Variants in SORL1 observed in about 807,000 individuals in gnomAD.
SORL1 encodes the protein sortilin related receptor 1, also known as sortilin-related receptor.
A neutral mutation model predicts 273.7 loss-of-function variants in SORL1; 127 were observed. That is an observed-to-expected ratio of 0.46 (90% CI 0.40 to 0.54). The LOEUF (loss-of-function observed/expected upper bound fraction) is 0.54, where lower values mean the gene tolerates loss of function less well. Ranked by LOEUF, SORL1 falls within the 20% of genes least tolerant of loss-of-function variation. The pLI is 0.00. For synonymous variants in SORL1, 1,031 were observed against 1,067.4 expected (o/e 0.97, Z 0.66); for missense variants, 2,494 against 2,846.1 (o/e 0.88, Z 2.81).
chr11:121,579,768 A>G (rs962755975), intron 25 of SORL1, among the ~76,000 whole-genome samples: 4 of 152,244 alleles, frequency 2.6e-5, no homozygotes, highest in African/African-American at 7.2e-5. Flanking sequence ...ACACTTCTGC[A>G]TAGGCACACA....
At chr11:121,564,969 T>C (rs1422569673) in intron 21 of SORL1, among the ~76,000 whole-genome samples, 1 of 152,220 alleles carries the variant, frequency 6.6e-6, no homozygotes, top group East Asian at 1.9e-4. Context: ...AAACACATGT[T>C]CCCACATCCT....
At chr11:121,469,636 G>A (rs1009289391) in intron 1 of SORL1, among the ~76,000 whole-genome samples, 3 of 152,176 alleles carry the variant, frequency 2.0e-5, no homozygotes, top group Non-Finnish European at 4.4e-5. Flanking sequence ...TTGAACAAGG[G>A]CAATGTTTCC....
intron 16 of SORL1, among the ~76,000 whole-genome samples, chr11:121,551,776 C>T (rs955376004): frequency 8.5e-5 from 13 of 152,184 alleles, no homozygotes; most frequent in African/African-American, 2.7e-4. Context: ...TTCGTTAGTC[C>T]CTTAATTTAA....
At position 121,462,737 on chromosome 11, in the gene SORL1, AC is replaced by A. The variant is rs534992632; in HGVS notation, c.286-7268del. ...GTAGCTGGGACTACAGGCATGCGCC[AC>A]CAGGCCCGTCTAGTTTTTGTATTTT... On this transcript the variant is annotated intron_variant, in intron 1 of 47. Transcript: ENST00000260197. Among the ~76,000 whole-genome samples the A allele has an allele frequency of 1.3e-3, 199 of 152,208 alleles. 2 individuals are homozygous for A. Among genetic ancestry groups the A allele is most frequent in the African/African-American group, 4.5e-3 (187 of 41,514 alleles).
rs769011758 is a variant in SORL1 at position 121,557,347 on chromosome 11, A to G, written c.2605A>G (p.Ile869Val). 1.2e-5 allele frequency: 20 copies of G among 1,614,124 alleles called. No homozygotes were observed. The highest frequency in any genetic ancestry group is 8.8e-5 in the South Asian group (8 of 91,088). Residue 869 changes from isoleucine (I) to valine (V), a missense_variant, in exon 19 of 48, where the codon ATC becomes GTC. This residue lies in a region of SORL1 where 1,609 missense variants were observed against 1,816.4 expected (regional missense o/e 0.89). Coordinates refer to ENST00000260197, the MANE Select transcript of SORL1 (RefSeq NM_003105.6). ...TCCAGATGGCGACTTCCGACTCACA[A>G]TCGTCAATTCCTCTGTGCTTGATCG... ...ANPDGDFRLT[I>V]VNSSVLDRPR...
At chr11:121,471,698 TG>T (rs1446200180) in intron 2 of SORL1, among the ~76,000 whole-genome samples, 5 of 152,016 alleles carry the variant, frequency 3.3e-5, no homozygotes, top group Admixed American at 3.3e-4. Context: ...CTGGGTTGGG[TG>T]TGTTGAGAAG....
intron 9 of SORL1, among the ~76,000 whole-genome samples, chr11:121,521,875 C>T (rs1397672445): frequency 1.3e-5 from 2 of 152,166 alleles, no homozygotes; most frequent in Admixed American, 1.3e-4. Context: ...GAACCCTGGC[C>T]ACATCTGAGT....
At chr11:121,529,732 G>C (rs1274981600) in intron 11 of SORL1, among the ~76,000 whole-genome samples, 2 of 152,110 alleles carry the variant, frequency 1.3e-5, no homozygotes, top group Non-Finnish European at 2.9e-5. Context: ...ACAACATATA[G>C]TAGGGTCTTG....
rs12284031 is a variant in SORL1 at position 121,522,444 on chromosome 11, C to T, written c.1405-142C>T. On this transcript the variant is annotated intron_variant, in intron 9 of 47. Transcript: ENST00000260197. Reference sequence around the variant, plus strand: ...CTCTGTCTGGGGGGTGTGGGGACAGCTGGGCTGTGAGTCTGGTTTCCCCTG... The same window carrying T: ...CTCTGTCTGGGGGGTGTGGGGACAGTTGGGCTGTGAGTCTGGTTTCCCCTG... 1.3e-3 allele frequency: 887 copies of T among 691,388 alleles called. 7 individuals carry two copies. In the African/African-American group the frequency reaches 0.013, roughly 10 times the overall value. The allele number at this position is 691,388 out of a possible 1,614,324, so 42.8% of individuals were successfully genotyped here.
chr11:121,524,563 T>C (rs1232507228), intron 11 of SORL1, among the ~76,000 whole-genome samples: 1 of 152,338 alleles, frequency 6.6e-6, no homozygotes, highest in East Asian at 1.9e-4. Context: ...AGGGACAATC[T>C]GGGCTGTGTG....
intron 12 of SORL1, among the ~76,000 whole-genome samples, chr11:121,533,291 C>A (rs563034428): frequency 1.8e-4 from 27 of 152,266 alleles, no homozygotes; most frequent in African/African-American, 6.0e-4. Context: ...TTAACTGCAT[C>A]ATTTCACAGA....
intron 32 of SORL1, among the ~76,000 whole-genome samples, chr11:121,601,610 G>T (rs1863393523): frequency 6.8e-6 from 1 of 146,680 alleles, no homozygotes; most frequent in African/African-American, 2.6e-5. Context: ...TAAGAAACAG[G>T]GTCTGGTTAT....
At chr11:121,474,919 G>A (rs953214972) in intron 2 of SORL1, among the ~76,000 whole-genome samples, 2 of 152,252 alleles carry the variant, frequency 1.3e-5, no homozygotes, top group Admixed American at 6.5e-5. Flanking sequence ...TTTAAGCATT[G>A]TCCTTGTTCT....
rs1201568276 is a variant in SORL1, at chr11:121,477,865, TA to T, written c.403-248del. On this transcript the variant is annotated intron_variant, in intron 2 of 47. Coordinates refer to ENST00000260197, the MANE Select transcript of SORL1 (RefSeq NM_003105.6). Reference sequence around the variant, plus strand: ...CAACATGGTGAAACCCTGTCTCTGCTAAAAATACAAAAAAAAATTAGCTGGG... The same window carrying T: ...CAACATGGTGAAACCCTGTCTCTGCTAAAATACAAAAAAAAATTAGCTGGG... Among the ~76,000 whole-genome samples, 3 of 151,850 alleles carry T rather than the reference TA, an allele frequency of 2.0e-5. No individual in the cohort carries two copies. In the East Asian group the frequency reaches 5.8e-4, roughly 29 times the overall value.
rs2134756797 is a variant in SORL1 at position 121,452,516 on chromosome 11, C to T, written c.185C>T (p.Ala62Val). ...QGDPRELRLW[A>V]RGDARGASRA... Reference sequence around the variant, plus strand: ...GACCCGCGCGAGCTGCGGCTGTGGGCGCGCGGGGATGCCAGGGGGGCGAGC... The same window carrying T: ...GACCCGCGCGAGCTGCGGCTGTGGGTGCGCGGGGATGCCAGGGGGGCGAGC... Residue 62 changes from alanine (A) to valine (V), a missense_variant, in exon 1 of 48, where the codon GCG (alanine) becomes GTG (valine). By Grantham distance (64) the Ala-to-Val change is moderately conservative. Around this residue, in one of 3 missense-constraint regions of SORL1, gnomAD observed 175 missense variants for 147.1 expected, o/e 1.19. Coordinates refer to ENST00000260197, the MANE Select transcript of SORL1 (RefSeq NM_003105.6). The surrounding 1 kb of genome is among the most constrained non-coding windows in gnomAD (Gnocchi z 5.3). 6.8e-7 allele frequency: 1 copy of T among 1,478,350 alleles called. No individual in the cohort carries two copies. The highest frequency in any genetic ancestry group is 8.9e-7 in the Non-Finnish European group (1 of 1,119,276). 91.6% of individuals were successfully genotyped at this position (1,478,350 alleles called of 1,614,324 possible).
chr11:121,531,453 T>C (rs1862201811), intron 11 of SORL1, among the ~76,000 whole-genome samples: 1 of 152,226 alleles, frequency 6.6e-6, no homozygotes, highest in African/African-American at 2.4e-5. Flanking sequence ...TGGCACCTTT[T>C]GACTATCTTT....
At chr11:121,597,456 G>GTTTTTTTTTTTTTTTTTTTTTTT (rs1239492916) in intron 32 of SORL1, among the ~76,000 whole-genome samples, 2 of 140,296 alleles carry the variant, frequency 1.4e-5, no homozygotes, top group African/African-American at 2.6e-5. Context: ...GTGTTTGTTT[G>GTTTTTTTTTTTTTTTTTTTTTTT]TTTTTTTTTT....
Position 121,541,923 on chromosome 11 carries a change from A to G in SORL1, c.1686-1625A>G, listed in dbSNP as rs538585824. ...GTCTGTCTTGGAGACTTTCCTCAGT[A>G]TATACTTTCCTTCAACTTTTTACTT... On this transcript the variant is annotated intron_variant, in intron 12 of 47. Coordinates refer to ENST00000260197, the MANE Select transcript of SORL1 (RefSeq NM_003105.6). Among the ~76,000 whole-genome samples, 17 of 152,300 alleles carry G rather than the reference A, an allele frequency of 1.1e-4. 1 individual carries two copies. The South Asian group carries it at 1.5e-3, about 13-fold the overall frequency.
Position 121,586,349 on chromosome 11 carries a change from C to T in SORL1, c.3814+20C>T. 3 of 1,567,346 alleles carry T rather than the reference C, an allele frequency of 1.9e-6. No individual in the cohort carries two copies. Among genetic ancestry groups the T allele is most frequent in the South Asian group, 2.2e-5 (2 of 90,284 alleles). ...ACTGCGGTGAGTTCATTCCTTGCCC[C>T]CAGGAAGCACTCAGGCCTAGTGATT... On this transcript the variant is annotated intron_variant, in intron 27 of 47. Transcript: ENST00000260197.
Sources: allele counts gnomAD v4.1 joint callset (sites outside exome capture counted in the v4.1 genomes callset), GRCh38; gene constraint gnomAD v4.1.1; regional missense constraint gnomAD v4.1.1; non-coding constraint Gnocchi (gnomAD v3.1); transcripts MANE v1.5; gene names NCBI Gene and HGNC (gene_info 2026-07-23, HGNC 2026-07-21).